The following NXPH1 variants were observed in gnomAD, a reference collection of about 807,000 sequenced individuals.
NXPH1 encodes neurexophilin 1, also known as neurexophilin-1.
A neutral mutation model predicts 23.7 loss-of-function variants in NXPH1; 5 were observed. The observed-to-expected ratio is 0.21, with a 90% CI of 0.11 to 0.44. NXPH1 has a LOEUF of 0.44. Among genes scored for constraint, NXPH1 ranks in the 20% least tolerant of loss-of-function variants. NXPH1 has a pLI of 0.99. For synonymous variants in NXPH1, 144 were observed against 122.2 expected, an observed-to-expected ratio of 1.18 and a Z score of -1.18; for missense variants, 324 against 321.6, an observed-to-expected ratio of 1.01 and a Z score of -0.06.
intron 2 of NXPH1, among the ~76,000 whole-genome samples, chr7:8,462,288 C>T (rs1816708482): frequency 6.6e-6 from 1 of 152,198 alleles, no homozygotes. Context: ...ACCTCATGAT[C>T]CACCCACCTT....
At chr7:8,498,914 T>G (rs901699456) in intron 2 of NXPH1, among the ~76,000 whole-genome samples, 13 of 152,068 alleles carry the variant, frequency 8.5e-5, no homozygotes, top group African/African-American at 3.1e-4. Flanking sequence ...CTTGAGAATT[T>G]GAGAATTTAA....
In NXPH1 at chr7:8,742,081, A is replaced by G. The variant is rs532837345; in HGVS notation, c.55-8927A>G. ...TGGGCACCACGTAATCTACCTTGTAAGATTCAGAGTGCCTGAGATAGAATT... is the reference window on the plus strand; with the variant it reads ...TGGGCACCACGTAATCTACCTTGTAGGATTCAGAGTGCCTGAGATAGAATT... On this transcript the variant is annotated intron_variant, in intron 2 of 2. Transcript: ENST00000405863. 9.2e-5 allele frequency among the ~76,000 whole-genome samples: 14 copies of G among 152,292 alleles called. No individual in the cohort carries two copies. In the South Asian group the frequency reaches 2.9e-3, roughly 32 times the overall value.
chr7:8,538,298 T>C (rs1818060618), intron 2 of NXPH1, among the ~76,000 whole-genome samples: 1 of 151,968 alleles, frequency 6.6e-6, no homozygotes, highest in Non-Finnish European at 1.5e-5. Flanking sequence ...ATTTTTCTTC[T>C]AGGCCCCTTC....
intron 2 of NXPH1, among the ~76,000 whole-genome samples, chr7:8,680,828 A>T (rs900288375): frequency 6.6e-6 from 1 of 152,250 alleles, no homozygotes; most frequent in African/African-American, 2.4e-5. Context: ...TTTATATGCA[A>T]TAAAGTGCTA....
chr7:8,742,970 CGT>C, intron 2 of NXPH1, among the ~76,000 whole-genome samples: 1 of 150,672 alleles, frequency 6.6e-6, no homozygotes, highest in South Asian at 2.1e-4. Context: ...TGCGTGTGTG[CGT>C]GTGTGTGGTT....
intron 2 of NXPH1, among the ~76,000 whole-genome samples, chr7:8,736,593 A>C (rs1338239847): frequency 6.6e-6 from 1 of 152,176 alleles, no homozygotes; most frequent in Non-Finnish European, 1.5e-5. Context: ...TGCTGACAAG[A>C]ATGTATATTC....
chr7:8,577,271 T>C (rs780463689), intron 2 of NXPH1, among the ~76,000 whole-genome samples: 27 of 152,210 alleles, frequency 1.8e-4, no homozygotes, highest in Non-Finnish European at 4.4e-5. Context: ...TATTTATCTA[T>C]ACATTTTATT....
intron 2 of NXPH1, among the ~76,000 whole-genome samples, chr7:8,454,860 G>A (rs1290294375): frequency 6.6e-6 from 1 of 152,058 alleles, no homozygotes; most frequent in East Asian, 1.9e-4. Flanking sequence ...ACATTAGACA[G>A]TCATCTTTCC....
At chr7:8,732,948 T>C (rs1270703992) in intron 2 of NXPH1, among the ~76,000 whole-genome samples, 1 of 152,232 alleles carries the variant, frequency 6.6e-6, no homozygotes, top group African/African-American at 2.4e-5. Flanking sequence ...TACATAGGTA[T>C]ACATGTGCCA....
At chr7:8,669,832 T>G (rs1013405232) in intron 2 of NXPH1, among the ~76,000 whole-genome samples, 1 of 152,232 alleles carries the variant, frequency 6.6e-6, no homozygotes, top group African/African-American at 2.4e-5. Context: ...GAATCTTTTC[T>G]TATTTTTGTG....
intron 2 of NXPH1, among the ~76,000 whole-genome samples, chr7:8,579,232 T>C (rs1390254052): frequency 6.6e-6 from 1 of 152,130 alleles, no homozygotes; most frequent in Non-Finnish European, 1.5e-5. Flanking sequence ...ACCAAATACC[T>C]GCTTTAAAAG....
intron 2 of NXPH1, among the ~76,000 whole-genome samples, chr7:8,563,253 G>T (rs1447646494): frequency 6.6e-6 from 1 of 151,708 alleles, no homozygotes; most frequent in African/African-American, 2.4e-5. Flanking sequence ...ACTTAATTAG[G>T]AGAAGAAAAA....
intron 2 of NXPH1, among the ~76,000 whole-genome samples, chr7:8,523,198 C>T (rs1817802135): frequency 6.6e-6 from 1 of 152,174 alleles, no homozygotes; most frequent in South Asian, 2.1e-4. Context: ...GACTGAGGTC[C>T]ATCTCAAGCC....
At chr7:8,650,539 A>G (rs933085194) in intron 2 of NXPH1, among the ~76,000 whole-genome samples, 1 of 152,202 alleles carries the variant, frequency 6.6e-6, no homozygotes, top group Admixed American at 6.5e-5. Flanking sequence ...AAGGCTGCCT[A>G]ATCCTAACTC....
chr7:8,575,757 C>A (rs945412053), intron 2 of NXPH1, among the ~76,000 whole-genome samples: 3 of 147,122 alleles, frequency 2.0e-5, no homozygotes, highest in Non-Finnish European at 4.5e-5. Context: ...GGGCAATGAT[C>A]TTTTTTTTTT....
At chr7:8,713,331 T>G (rs1471397216) in intron 2 of NXPH1, among the ~76,000 whole-genome samples, 1 of 152,186 alleles carries the variant, frequency 6.6e-6, no homozygotes, top group Non-Finnish European at 1.5e-5. Context: ...ATTTATCTGA[T>G]AGGATTCCGA....
rs372132904 is a variant in NXPH1 at position 8,508,503 on chromosome 7, G to A, written c.54+72736G>A. On this transcript the variant is annotated intron_variant, in intron 2 of 2. Coordinates refer to ENST00000405863, the MANE Select transcript of NXPH1 (RefSeq NM_152745.3). ...TTCATTCAGTGAAAGCTATATTATCGTTAAAGAGTTCCTTCTAGCTCAGCC... is the reference window on the plus strand; with the variant it reads ...TTCATTCAGTGAAAGCTATATTATCATTAAAGAGTTCCTTCTAGCTCAGCC... 2.0e-4 allele frequency among the ~76,000 whole-genome samples: 30 copies of A among 152,188 alleles called. No homozygotes were observed. In the East Asian group the frequency reaches 3.9e-3, roughly 20 times the overall value.
At chr7:8,663,201 C>T (rs10952123) in intron 2 of NXPH1, among the ~76,000 whole-genome samples, 95,955 of 151,388 alleles carry the variant, frequency 0.63, 31,275 homozygotes, top group Middle Eastern at 0.76. Flanking sequence ...TTCTTACTTG[C>T]AAAAAGAAGG....
chr7:8,682,668 A>C (rs1028241269), intron 2 of NXPH1, among the ~76,000 whole-genome samples: 12 of 152,326 alleles, frequency 7.9e-5, no homozygotes, highest in Middle Eastern at 3.4e-3. Context: ...GCTTAATGGA[A>C]ATGAGTACCC....
Sources: gnomAD v4.1 joint callset for allele counts (sites outside exome capture counted in the v4.1 genomes callset) on GRCh38, gnomAD v4.1.1 for gene constraint, MANE v1.5 for transcripts, NCBI Gene and HGNC (gene_info 2026-07-23, HGNC 2026-07-21) for gene names.